Variants in GASK1A observed in about 807,000 individuals in gnomAD.
GASK1A encodes the protein Golgi-associated kinase 1A.
Under a neutral mutation model 41.2 loss-of-function variants are expected in GASK1A, and 40 were observed. The ratio of observed to expected loss-of-function variants is 0.97; its 90% confidence interval spans 0.75 to 1.27. GASK1A has a LOEUF of 1.27. Among genes scored for constraint, GASK1A ranks in the 50% most tolerant of loss-of-function variants. The pLI is 0.00. For synonymous variants in GASK1A, 316 were observed against 307.1 expected, an observed-to-expected ratio of 1.03 and a Z score of -0.30; for missense variants, 678 against 745.1, an observed-to-expected ratio of 0.91 and a Z score of 1.05.
chr3:42,987,869 G>C (rs925633910), intron 1 of GASK1A, among the ~76,000 whole-genome samples: 5 of 151,732 alleles, frequency 3.3e-5, no homozygotes, highest in Non-Finnish European at 7.4e-5. Flanking sequence ...CATGGTGGTG[G>C]GTGCCTGTAG....
chr3:42,996,320 T>G (rs2089369159), intron 1 of GASK1A, among the ~76,000 whole-genome samples: 1 of 152,240 alleles, frequency 6.6e-6, no homozygotes, highest in Non-Finnish European at 1.5e-5. Flanking sequence ...ATGCTTTATC[T>G]ACAACACCTC....
At chr3:42,980,883 A>G (rs1485677111) in intron 1 of GASK1A, among the ~76,000 whole-genome samples, 4 of 152,228 alleles carry the variant, frequency 2.6e-5, no homozygotes, top group African/African-American at 9.6e-5. Context: ...ATATCCTATT[A>G]CAAATTCCCT....
chr3:42,979,583 G>A lies in GASK1A; in HGVS notation c.-60G>A, dbSNP rs545224098. On this transcript the variant is annotated 5_prime_UTR_variant, in exon 1 of 5. Transcript: ENST00000430121. ...GCGCCGGGGGCGGCCAAGGGGAGGC[G>A]GGATGAGTCTGCGAGCCGGCTGAGC... 4 of 1,239,218 alleles carry A rather than the reference G, an allele frequency of 3.2e-6. No individual in the cohort carries two copies. The highest frequency in any genetic ancestry group is 8.2e-5 in the South Asian group (2 of 24,330). The allele number at this position is 1,239,218 out of a possible 1,614,324, so 76.8% of individuals were successfully genotyped here.
At chr3:43,050,224 T>G (rs2089682680) in intron 2 of GASK1A, among the ~76,000 whole-genome samples, 1 of 152,200 alleles carries the variant, frequency 6.6e-6, no homozygotes, top group Non-Finnish European at 1.5e-5. Flanking sequence ...CAATAAACTC[T>G]GTTTTTGTTG....
chr3:42,991,039 AG>A (rs1419627211), intron 1 of GASK1A, among the ~76,000 whole-genome samples: 1 of 152,092 alleles, frequency 6.6e-6, no homozygotes, highest in African/African-American at 2.4e-5. Context: ...GGACCTGTCT[AG>A]GTGGAAGCAG....
intron 1 of GASK1A, among the ~76,000 whole-genome samples, chr3:43,001,411 A>G (rs1194471802): frequency 6.6e-6 from 1 of 152,216 alleles, no homozygotes; most frequent in East Asian, 1.9e-4. Context: ...TGGCCTGGCC[A>G]GAGCAGGGCA....
At chr3:43,039,373 T>G (rs1177877380) in intron 2 of GASK1A, among the ~76,000 whole-genome samples, 1 of 152,136 alleles carries the variant, frequency 6.6e-6, no homozygotes, top group East Asian at 1.9e-4. Context: ...TGGCTCATTT[T>G]TGTATTTTTA....
At chr3:43,014,784 C>T (rs1391338573) in intron 1 of GASK1A, among the ~76,000 whole-genome samples, 1 of 151,838 alleles carries the variant, frequency 6.6e-6, no homozygotes, top group Non-Finnish European at 1.5e-5. Flanking sequence ...CAGGAATGGG[C>T]AATGTGAAGT....
At chr3:43,003,080 G>A (rs2089418288) in intron 1 of GASK1A, among the ~76,000 whole-genome samples, 2 of 152,106 alleles carry the variant, frequency 1.3e-5, no homozygotes, top group African/African-American at 2.4e-5. Flanking sequence ...CTCAATCTTG[G>A]TGATCCTCCT....
chr3:43,013,402 A>G (rs1243894591), intron 1 of GASK1A, among the ~76,000 whole-genome samples: 1 of 152,074 alleles, frequency 6.6e-6, no homozygotes, highest in Non-Finnish European at 1.5e-5. Context: ...AGTCACAGGA[A>G]GGGGCAGTGT....
intron 1 of GASK1A, among the ~76,000 whole-genome samples, chr3:42,994,331 G>C (rs2089358225): frequency 6.6e-6 from 1 of 152,162 alleles, no homozygotes; most frequent in East Asian, 1.9e-4. Flanking sequence ...GACAACACCA[G>C]GGGAGGCATG....
intron 2 of GASK1A, 108 bp downstream of exon 2, chr3:43,033,661 T>G (rs1404060274): frequency 9.3e-7 from 1 of 1,074,378 alleles, no homozygotes; most frequent in South Asian, 2.1e-5. Flanking sequence ...CCCCCAAGTC[T>G]TGGTTTTTTG....
intron 1 of GASK1A, among the ~76,000 whole-genome samples, chr3:43,018,174 G>A (rs1445841814): frequency 6.6e-6 from 1 of 152,168 alleles, no homozygotes; most frequent in African/African-American, 2.4e-5. Context: ...TCTTTATCCC[G>A]AGACTGTGGA....
In GASK1A at chr3:43,033,070, C is replaced by T. The variant is rs1575447491; in HGVS notation, c.807C>T (p.Leu269=). ...TGACAGACCACGATGTGCAGATGCT[C>T]CGTCTGTTGGCACAGGGGGAGGTGG... The part of the protein sequence containing the change: ...PWLTDHDVQM[L]RLLAQGEVVD... The change falls in exon 2 of 5, where the codon CTC becomes CTT. Residue 269 remains leucine (L), a synonymous_variant. Transcript: ENST00000430121. The T allele has an allele frequency of 6.4e-7, 1 of 1,551,714 alleles. No homozygotes were observed. Among genetic ancestry groups the T allele is most frequent in the East Asian group, 2.4e-5 (1 of 40,908 alleles).
chr3:43,052,173 A>C (rs1397501133), intron 2 of GASK1A, among the ~76,000 whole-genome samples: 1 of 152,160 alleles, frequency 6.6e-6, no homozygotes, highest in Non-Finnish European at 1.5e-5. Flanking sequence ...GATTTGGACA[A>C]ATCCCAAGGA....
At position 42,984,637 on chromosome 3, in the gene GASK1A, T is replaced by C. The variant is rs1461372861; in HGVS notation, c.3+4992T>C. On this transcript the variant is annotated intron_variant, in intron 1 of 4. Transcript: ENST00000430121. This position sits in a 1 kb window ranked among gnomAD's most constrained non-coding sequence, Gnocchi z 4.2. ...TGCAGATTCAGTCACTCACCACTTG[T>C]AGAGTCCAATTAACAAGAGCAAGGT... Among the ~76,000 whole-genome samples, 1 of 152,204 alleles carries C rather than the reference T, an allele frequency of 6.6e-6. No individual in the cohort carries two copies. Among genetic ancestry groups the C allele is most frequent in the African/African-American group, 2.4e-5 (1 of 41,446 alleles).
rs1004517697 is a variant in GASK1A, at chr3:43,034,133, C to T, written c.1290+580C>T. Among the ~76,000 whole-genome samples the T allele has an allele frequency of 5.3e-5, 8 of 152,240 alleles. No individual in the cohort carries two copies. The East Asian group carries it at 9.7e-4, about 18-fold the overall frequency. On this transcript the variant is annotated intron_variant, in intron 2 of 4. Coordinates refer to ENST00000430121, the MANE Select transcript of GASK1A (RefSeq NM_001129908.3). Reference sequence around the variant, plus strand: ...CAGCATACCACTGTTTATAACTTTACGTCTTTGACTCAACAAGGATTCAAG... The same window carrying T: ...CAGCATACCACTGTTTATAACTTTATGTCTTTGACTCAACAAGGATTCAAG...
chr3:43,040,688 T>G (rs527368405), intron 2 of GASK1A, among the ~76,000 whole-genome samples: 2 of 152,146 alleles, frequency 1.3e-5, no homozygotes, highest in Non-Finnish European at 2.9e-5. Context: ...TTTTATCTTC[T>G]TGTGGCTGTT....
rs543262392 is a variant in GASK1A, at chr3:43,032,701, A to G, written c.438A>G (p.Pro146=). 2 of 1,551,678 alleles carry G rather than the reference A, an allele frequency of 1.3e-6. No homozygotes were observed. The highest frequency in any genetic ancestry group is 2.7e-5 in the African/African-American group (2 of 73,182). Residue 146 remains proline, a synonymous_variant, in exon 2 of 5, where the codon CCA becomes CCG. Transcript: ENST00000430121. ...VLLREDEVGD[P]GTKDLGHPQH... ...TGAGGGAGGATGAGGTTGGAGATCC[A>G]GGAACCAAAGACCTGGGCCACCCCC...
Sources: gnomAD v4.1 joint callset for allele counts (sites outside exome capture counted in the v4.1 genomes callset) on GRCh38, gnomAD v4.1.1 for gene constraint, Gnocchi (gnomAD v3.1) non-coding constraint, MANE v1.5 for transcripts, NCBI Gene and HGNC (gene_info 2026-07-23, HGNC 2026-07-21) for gene names.